CAST: variants seen among roughly 807,000 people sequenced by gnomAD.
CAST encodes the protein MIR583 host.
A neutral mutation model predicts 119.6 loss-of-function variants in CAST; 76 were observed. The ratio of observed to expected loss-of-function variants is 0.64; its 90% CI spans 0.53 to 0.77. CAST has a LOEUF of 0.77. Ranked by LOEUF, CAST falls within the 30% of genes least tolerant of loss-of-function variation. The probability of loss-of-function intolerance (pLI) is 0.00; values close to 1 mark genes in which losing one functional copy is unlikely to be tolerated. For missense variants in CAST, 953 were observed against 946.5 expected (o/e 1.01, Z -0.09); for synonymous variants, 319 against 331.6 (o/e 0.96, Z 0.41).
At chr5:95,992,406 C>CT in the CAST span, among the ~76,000 whole-genome samples, 112 of 142,102 alleles carry the variant, frequency 7.9e-4, no homozygotes, top group East Asian at 1.0e-3. Context: ...CTTCTCTATG[C>CT]TTTTTTTTTT....
chr5:96,074,170 T>C, the CAST span, among the ~76,000 whole-genome samples: 12 of 147,416 alleles, frequency 8.1e-5, no homozygotes, highest in African/African-American at 2.3e-4. Context: ...ACTACCCTAT[T>C]GCTTCTCTAG....
chr5:96,033,707 T>C, the CAST span, among the ~76,000 whole-genome samples: 234 of 151,952 alleles, frequency 1.5e-3, 2 homozygotes, highest in Non-Finnish European at 1.6e-3. Context: ...TAGAAGAAAA[T>C]AGAGTTGAAA....
intron 1 of CAST, among the ~76,000 whole-genome samples, chr5:96,551,885 G>T (rs1481393323): frequency 6.6e-6 from 1 of 152,082 alleles, no homozygotes; most frequent in Non-Finnish European, 1.5e-5. Context: ...AAATATATAT[G>T]CACCCAATAG....
chr5:96,044,581 G>A, the CAST span, among the ~76,000 whole-genome samples: 1 of 152,182 alleles, frequency 6.6e-6, no homozygotes, highest in Admixed American at 6.5e-5. Context: ...TTCAACAAAA[G>A]TATGCCCTAC....
At chr5:96,056,323 G>T in the CAST span, among the ~76,000 whole-genome samples, 1 of 152,054 alleles carries the variant, frequency 6.6e-6, no homozygotes, top group Non-Finnish European at 1.5e-5. Flanking sequence ...TGCTTCTTTG[G>T]GGTAACTAAT....
At chr5:96,534,735 GAGAGAGAAAGAAAGAAAGAA>G (rs1738072213) in intron 1 of CAST, among the ~76,000 whole-genome samples, 3 of 18,726 alleles carry the variant, frequency 1.6e-4, no homozygotes, top group Admixed American at 5.9e-4. Context: ...GAGAGAGAGA[GAGAGAGAAAGAAAGAAAGAA>G]AGAAAGAAAG....
intron 1 of CAST, among the ~76,000 whole-genome samples, chr5:96,535,667 G>A (rs989768243): frequency 2.7e-5 from 4 of 149,016 alleles, no homozygotes; most frequent in Non-Finnish European, 5.9e-5. Context: ...TCCGCCTCCT[G>A]GGTTAACGCC....
rs1369933741 is a variant in CAST at position 96,747,375 on chromosome 5, C to G, written c.1315C>G (p.Pro439Ala). The stretch of plus-strand genomic sequence containing the variant: ...AGATGGAAAACCACTATTGCCAGAG[C>G]CTGAAGAAAAACCCAAGGTTAGGAA... ...DKDGKPLLPE[P>A]EEKPKPRSES... Residue 439 changes from proline to alanine, a missense_variant, in exon 18 of 32, where the codon CCT becomes GCT. Physicochemically the swap from Pro to Ala is conservative, Grantham distance 27 (BLOSUM62 -1). Transcript: ENST00000675179. 5.0e-6 allele frequency: 8 copies of G among 1,592,926 alleles called. No homozygotes were observed. Among genetic ancestry groups the G allele is most frequent in the Non-Finnish European group, 6.9e-6 (8 of 1,161,946 alleles).
At chr5:96,246,888 T>A in the CAST span, among the ~76,000 whole-genome samples, 1 of 152,232 alleles carries the variant, frequency 6.6e-6, no homozygotes, top group African/African-American at 2.4e-5. Flanking sequence ...GGAATTAACC[T>A]ATGGAAGGAT....
chr5:96,233,796 A>G, the CAST span, among the ~76,000 whole-genome samples: 2 of 152,180 alleles, frequency 1.3e-5, no homozygotes, highest in Non-Finnish European at 2.9e-5. Context: ...ACATATTTAC[A>G]TATGTGTTCT....
the CAST span, among the ~76,000 whole-genome samples, chr5:96,393,648 A>T: frequency 1.3e-5 from 2 of 152,186 alleles, no homozygotes; most frequent in African/African-American, 2.4e-5. Flanking sequence ...TTTGAAGACT[A>T]GATGAGACTG....
intron 1 of CAST, among the ~76,000 whole-genome samples, chr5:96,628,214 C>G (rs149310884): frequency 4.9e-4 from 74 of 152,266 alleles, no homozygotes; most frequent in African/African-American, 1.8e-3. Context: ...ATTAAAAATG[C>G]CCTATGGAGG....
the CAST span, among the ~76,000 whole-genome samples, chr5:96,393,705 T>A: frequency 1.3e-5 from 2 of 152,240 alleles, no homozygotes; most frequent in Admixed American, 1.3e-4. Context: ...CTTGTCAGCC[T>A]GCTGTCATGG....
At chr5:96,498,921 T>C in the CAST span, among the ~76,000 whole-genome samples, 10 of 152,052 alleles carry the variant, frequency 6.6e-5, no homozygotes, top group Non-Finnish European at 1.5e-4. Flanking sequence ...ACCATTCTTC[T>C]TCCAAATTTT....
At chr5:96,222,870 A>G in the CAST span, among the ~76,000 whole-genome samples, 1 of 152,228 alleles carries the variant, frequency 6.6e-6, no homozygotes. Flanking sequence ...CTAAGTGTCC[A>G]TCAGTGGACT....
At chr5:96,217,215 T>TTTTTTTTTC in the CAST span, among the ~76,000 whole-genome samples, 1 of 146,352 alleles carries the variant, frequency 6.8e-6, no homozygotes, top group African/African-American at 2.6e-5. Flanking sequence ...TTTTTTTTTT[T>TTTTTTTTTC]TTTTTTATAG....
At chr5:96,429,454 C>A in the CAST span, 1 of 621,662 alleles carries the variant, frequency 1.6e-6, no homozygotes, top group South Asian at 1.9e-5. Context: ...TATTTTTTTT[C>A]TTTTTTTAAA....
At chr5:96,148,047 T>C in the CAST span, among the ~76,000 whole-genome samples, 9 of 152,210 alleles carry the variant, frequency 5.9e-5, no homozygotes, top group Admixed American at 5.9e-4. Flanking sequence ...AATTCTTTTC[T>C]TACGGTGACT....
In CAST at chr5:96,766,081, A is replaced by G; in HGVS notation, c.2066A>G (p.Lys689Arg). 5.0e-6 allele frequency: 8 copies of G among 1,610,400 alleles called. No homozygotes were observed. Among genetic ancestry groups the G allele is most frequent in the Non-Finnish European group, 6.8e-6 (8 of 1,177,244 alleles). The change falls in exon 27 of 32, where the codon AAG becomes AGG. Residue 689 changes from lysine to arginine, a missense_variant. Physicochemically the swap from Lys to Arg is conservative, Grantham distance 26. Coordinates refer to ENST00000675179, the MANE Select transcript of CAST (RefSeq NM_001750.7). The part of the protein sequence containing the change: ...KEKAKAEHRD[K>R]LGERDDTIPP... ...AAAGCTAAAGCTGAACATAGAGACA[A>G]GCTTGGAGAAAGAGATGACACTATC...
Sources: allele counts gnomAD v4.1 joint callset (sites outside exome capture counted in the v4.1 genomes callset), GRCh38; gene constraint gnomAD v4.1.1; transcripts MANE v1.5; gene names NCBI Gene and HGNC (gene_info 2026-07-23, HGNC 2026-07-21).